The following BCL9 variants were observed in gnomAD, a reference collection of about 807,000 sequenced individuals.
BCL9 encodes the protein BCL9 transcription coactivator.
A neutral mutation model predicts 88.5 loss-of-function variants in BCL9; 25 were observed. That is an observed-to-expected ratio of 0.28 (90% confidence interval 0.21 to 0.39). The LOEUF is 0.39. BCL9 is among the 10% of genes least tolerant of loss of function. The pLI is 1.00. For missense variants in BCL9, 1,817 were observed against 1,877.8 expected, an observed-to-expected ratio of 0.97 and a Z score of 0.60; for synonymous variants, 711 against 673.3, an observed-to-expected ratio of 1.06 and a Z score of -0.87.
chr1:147,592,916 C>T (rs905444352), intron 1 of BCL9, among the ~76,000 whole-genome samples: 3 of 152,130 alleles, frequency 2.0e-5, no homozygotes, highest in Non-Finnish European at 4.4e-5. Flanking sequence ...GGTAATTTTT[C>T]CAAGGTTATA....
At position 147,619,568 on chromosome 1, in the gene BCL9, G is replaced by A. The variant is rs782642114; in HGVS notation, c.1413G>A (p.Ala471=). 70 of 1,614,054 alleles carry A rather than the reference G, an allele frequency of 4.3e-5. 1 individual carries two copies. In the East Asian group the frequency reaches 1.3e-3, roughly 30 times the overall value. The change falls in exon 8 of 10, where the codon GCG becomes GCA. Residue 471 remains alanine, a synonymous_variant. Transcript: ENST00000234739. This position sits in a 1 kb window ranked among gnomAD's most constrained non-coding sequence, Gnocchi z 4.1. ...ACCATATGACTCCCGAGCAGATAGC[G>A]TGGCTGAAACTGCAGCAGGAGTTTT... ...HLDHMTPEQI[A]WLKLQQEFYE...
chr1:147,605,909 G>A (rs1657675573), intron 2 of BCL9, among the ~76,000 whole-genome samples: 1 of 152,158 alleles, frequency 6.6e-6, no homozygotes, highest in African/African-American at 2.4e-5. Flanking sequence ...CAGGGAAATG[G>A]GAAAGCATCA....
At chr1:147,586,700 G>A (rs781796203) in intron 1 of BCL9, among the ~76,000 whole-genome samples, 5 of 152,094 alleles carry the variant, frequency 3.3e-5, no homozygotes, top group Non-Finnish European at 7.4e-5. Context: ...TCCCAAGCCC[G>A]TAGTCTTCAG....
intron 1 of BCL9, among the ~76,000 whole-genome samples, chr1:147,560,146 G>T (rs1271567954): frequency 6.6e-6 from 1 of 152,192 alleles, no homozygotes; most frequent in Non-Finnish European, 1.5e-5. Flanking sequence ...CAAGCTTGTT[G>T]GTAGGCAAGG....
rs150682509 is a variant in BCL9, at chr1:147,603,967, A to G, written c.-477-810A>G. 5.3e-5 allele frequency among the ~76,000 whole-genome samples: 8 copies of G among 152,350 alleles called. No individual in the cohort carries two copies. In the East Asian group the frequency reaches 1.5e-3, roughly 29 times the overall value. On this transcript the variant is annotated intron_variant, in intron 1 of 9. Transcript: ENST00000234739. ...TCATCAAAATATTAATTGTAACAGT[A>G]TGTTTCTTTATAACACATTAAATAA...
intron 1 of BCL9, among the ~76,000 whole-genome samples, chr1:147,544,198 G>C (rs996589107): frequency 6.6e-6 from 1 of 152,136 alleles, no homozygotes; most frequent in African/African-American, 2.4e-5. Context: ...TAATATTGAT[G>C]ATACTTGTTG....
At chr1:147,569,473 CAAAAAAAAAAAA>C (rs79619243) in intron 1 of BCL9, among the ~76,000 whole-genome samples, 1 of 124,970 alleles carries the variant, frequency 8.0e-6, no homozygotes, top group Non-Finnish European at 1.6e-5. Flanking sequence ...TACTAAAATA[CAAAAAAAAAAAA>C]AAAGAAAGAA....
chr1:147,568,783 AGAAG>A (rs1324729395), intron 1 of BCL9, among the ~76,000 whole-genome samples: 1 of 152,156 alleles, frequency 6.6e-6, no homozygotes, highest in East Asian at 1.9e-4. Context: ...GCGTTCCAAA[AGAAG>A]GAATACATTT....
chr1:147,599,756 G>C (rs988041122), intron 1 of BCL9, among the ~76,000 whole-genome samples: 6 of 152,038 alleles, frequency 3.9e-5, no homozygotes, highest in Non-Finnish European at 7.4e-5. Context: ...GGCGGTGGGC[G>C]GGCCCGTAGT....
intron 1 of BCL9, among the ~76,000 whole-genome samples, chr1:147,565,742 T>A (rs1553196598): frequency 6.6e-6 from 1 of 152,206 alleles, no homozygotes; most frequent in Non-Finnish European, 1.5e-5. Flanking sequence ...ATGGAGATTG[T>A]TGTCTCCCAG....
intron 2 of BCL9, among the ~76,000 whole-genome samples, chr1:147,606,399 CT>C (rs1378360436): frequency 6.6e-6 from 1 of 152,208 alleles, no homozygotes; most frequent in African/African-American, 2.4e-5. Context: ...TTTGTCTCTT[CT>C]CACCTTTACA....
rs879965900 is a variant in BCL9 at position 147,575,040 on chromosome 1, CA to C, written c.-477-29731del. 1.4e-3 allele frequency among the ~76,000 whole-genome samples: 208 copies of C among 152,156 alleles called. 2 individuals carry two copies. Among genetic ancestry groups the C allele is most frequent in the South Asian group, 2.3e-3 (11 of 4,814 alleles). ...TCATATATAACCAGAGAAGACTGTA[CA>C]AAAAAGACGAATAATAATAGCTACT... On this transcript the variant is annotated intron_variant, in intron 1 of 9. Coordinates refer to ENST00000234739, the MANE Select transcript of BCL9 (RefSeq NM_004326.4).
intron 1 of BCL9, among the ~76,000 whole-genome samples, chr1:147,588,304 A>G (rs1428155115): frequency 6.6e-6 from 1 of 151,748 alleles, no homozygotes; most frequent in African/African-American, 2.4e-5. Context: ...AACCCTCAAT[A>G]TGATGTGGGT....
At position 147,619,178 on chromosome 1, in the gene BCL9, C is replaced by T. The variant is rs1199975507; in HGVS notation, c.1023C>T (p.Pro341=). 5 of 1,613,440 alleles carry T rather than the reference C, an allele frequency of 3.1e-6. No individual in the cohort carries two copies. In the South Asian group the frequency reaches 5.5e-5, roughly 18 times the overall value. ...PPPPPVSSGE[P]PTLGENPDGL... ...CTCCACCAGTGTCCAGTGGCGAGCC[C>T]CCCACACTGGGAGAGAATCCCGATG... The change falls in exon 8 of 10, where the codon CCC becomes CCT. Residue 341 remains proline (P), a synonymous_variant. Coordinates refer to ENST00000234739, the MANE Select transcript of BCL9 (RefSeq NM_004326.4). This position sits in a 1 kb window ranked among gnomAD's most constrained non-coding sequence, Gnocchi z 4.1.
chr1:147,566,958 G>A (rs1655631634), intron 1 of BCL9, among the ~76,000 whole-genome samples: 1 of 152,064 alleles, frequency 6.6e-6, no homozygotes, highest in Admixed American at 6.6e-5. Flanking sequence ...TTGTACAGAA[G>A]CTAGAAAAAA....
At chr1:147,557,403 A>T (rs1422413520) in intron 1 of BCL9, among the ~76,000 whole-genome samples, 2 of 152,202 alleles carry the variant, frequency 1.3e-5, no homozygotes, top group African/African-American at 4.8e-5. Context: ...AGTTTATTAT[A>T]TGCTTCTTGT....
At chr1:147,565,862 G>A (rs781966887) in intron 1 of BCL9, among the ~76,000 whole-genome samples, 32 of 151,928 alleles carry the variant, frequency 2.1e-4, no homozygotes, top group Non-Finnish European at 3.4e-4. Context: ...TGCTTGGTAG[G>A]TGATTAATTT....
intron 9 of BCL9, 56 bp downstream of exon 9, chr1:147,622,587 T>C (rs1553205647): frequency 1.9e-6 from 3 of 1,598,540 alleles, no homozygotes; most frequent in Admixed American, 3.4e-5. Flanking sequence ...GAGAAACCTC[T>C]TGAAGCGTTT....
chr1:147,619,425 A>C lies in BCL9; in HGVS notation c.1270A>C (p.Thr424Pro). The change falls in exon 8 of 10, where the codon ACA (threonine) becomes CCA (proline). Residue 424 changes from threonine (T) to proline (P), a missense_variant. Physicochemically the swap from Thr to Pro is conservative, Grantham distance 38. Coordinates refer to ENST00000234739, the MANE Select transcript of BCL9 (RefSeq NM_004326.4). The surrounding 1 kb of genome is among the most constrained non-coding windows in gnomAD (Gnocchi z 4.1). Reference protein sequence around the residue: ...QSLGKGPGPRTDVGAPFGPQG... With the variant: ...QSLGKGPGPRPDVGAPFGPQG... ...CCTAGGTAAGGGACCTGGGCCCCGG[A>C]CAGACGTGGGAGCTCCATTTGGCCC... The C allele has an allele frequency of 6.2e-7, 1 of 1,614,080 alleles. No individual in the cohort carries two copies. The highest frequency in any genetic ancestry group is 1.1e-5 in the South Asian group (1 of 91,082).
Sources: gnomAD v4.1 joint callset for allele counts (sites outside exome capture counted in the v4.1 genomes callset) on GRCh38, gnomAD v4.1.1 for gene constraint, Gnocchi (gnomAD v3.1) non-coding constraint, MANE v1.5 for transcripts, NCBI Gene and HGNC (gene_info 2026-07-23, HGNC 2026-07-21) for gene names.